ORC3: variants seen among roughly 807,000 people sequenced by gnomAD.
ORC3 encodes the protein origin recognition complex subunit 3, also known as homolog of latheo, Drosophila.
Under a neutral mutation model 100.7 loss-of-function variants are expected in ORC3, and 78 were observed. The observed-to-expected ratio is 0.77, with a 90% CI of 0.65 to 0.94. The LOEUF (loss-of-function observed/expected upper bound fraction) is 0.94. Ranked by LOEUF, ORC3 falls within the 40% of genes least tolerant of loss-of-function variation. The probability of loss-of-function intolerance (pLI) is 0.00; values close to 1 mark genes in which losing one functional copy is unlikely to be tolerated. For missense variants in ORC3, 789 were observed against 823.9 expected, an observed-to-expected ratio of 0.96 and a Z score of 0.52; for synonymous variants, 295 against 289.3, an observed-to-expected ratio of 1.02 and a Z score of -0.20.
At chr6:87,598,658 CTTTT>C (rs559954997) in intron 2 of ORC3, among the ~76,000 whole-genome samples, 1 of 130,464 alleles carries the variant, frequency 7.7e-6, no homozygotes. Context: ...GTTTGCTAGG[CTTTT>C]TTTTTTTTTT....
intron 11 of ORC3, among the ~76,000 whole-genome samples, chr6:87,631,409 A>T (rs1285202711): frequency 6.6e-6 from 1 of 152,174 alleles, no homozygotes; most frequent in African/African-American, 2.4e-5. Flanking sequence ...CCTGAAGAAA[A>T]ATTTAACATA....
At chr6:87,672,293 A>G (rs1423068585), downstream of ORC3, among the ~76,000 whole-genome samples, 1 of 152,248 alleles carries the variant, frequency 6.6e-6, no homozygotes, top group Non-Finnish European at 1.5e-5. Context: ...GCACTAAAAT[A>G]ATCACTAGCA....
chr6:87,662,075 T>G (rs1373440999), intron 16 of ORC3, among the ~76,000 whole-genome samples: 1 of 152,228 alleles, frequency 6.6e-6, no homozygotes, highest in East Asian at 1.9e-4. Context: ...TTCAATACTC[T>G]GAAACTAAGA....
At position 87,607,865 on chromosome 6, in the gene ORC3, A is replaced by G. The variant is rs2307384; in HGVS notation, c.579+41A>G. ...TGATTTTCTCCCAGGAAATTGACGT[A>G]TGATTGATGTGGCTTGGAATAATAT... On this transcript the variant is annotated intron_variant, in intron 6 of 19. Transcript: ENST00000392844. 1.4e-4 allele frequency: 209 copies of G among 1,449,582 alleles called. No individual in the cohort carries two copies. In the East Asian group the frequency reaches 4.1e-3, roughly 29 times the overall value. The allele number at this position is 1,449,582 out of a possible 1,614,324, so 89.8% of individuals were successfully genotyped here.
chr6:87,649,302 CCTGT>C (rs1025832228), intron 13 of ORC3, among the ~76,000 whole-genome samples: 1 of 152,180 alleles, frequency 6.6e-6, no homozygotes, highest in African/African-American at 2.4e-5. Flanking sequence ...CTTCTGTTGA[CCTGT>C]CTATTCCCAA....
intron 13 of ORC3, among the ~76,000 whole-genome samples, chr6:87,643,270 G>T (rs761610464): frequency 9.2e-5 from 14 of 152,172 alleles, no homozygotes; most frequent in Non-Finnish European, 2.1e-4. Context: ...GATCATTTCA[G>T]CTCTTTCCCC....
At chr6:87,647,986 G>A (rs923237487) in intron 13 of ORC3, among the ~76,000 whole-genome samples, 6 of 152,196 alleles carry the variant, frequency 3.9e-5, no homozygotes, top group African/African-American at 1.2e-4. Flanking sequence ...GATCACTTGA[G>A]GCCAGGAGTT....
intron 15 of ORC3, 183 bp downstream of exon 15, chr6:87,657,165 A>G: frequency 8.3e-6 from 4 of 482,932 alleles, no homozygotes; most frequent in Non-Finnish European, 1.5e-5. Context: ...TCATTACTCT[A>G]CATATACACA....
At position 87,666,129 on chromosome 6, in the gene ORC3, TTTTG is replaced by T. The variant is rs886780749; in HGVS notation, c.2030+312_2030+315del. Among the ~76,000 whole-genome samples the T allele has an allele frequency of 1.3e-4, 20 of 152,290 alleles. No individual in the cohort carries two copies. In the South Asian group the frequency reaches 1.4e-3, roughly 11 times the overall value. ...ATTCTCTTTTTTTGGTTTTTGTTTT[TTTTG>T]TTTGTTTGTTTGTTTTTGAGACGGA... On this transcript the variant is annotated intron_variant, in intron 19 of 19. Coordinates refer to ENST00000392844, the MANE Select transcript of ORC3 (RefSeq NM_012381.4).
At chr6:87,657,167 A>G (rs779633873) in intron 15 of ORC3, 185 bp downstream of exon 15, 137 of 482,330 alleles carry the variant, frequency 2.8e-4, no homozygotes, top group Non-Finnish European at 4.6e-4. Flanking sequence ...ATTACTCTAC[A>G]TATACACATT....
At chr6:87,626,725 T>C (rs938615868) in intron 11 of ORC3, among the ~76,000 whole-genome samples, 1 of 151,424 alleles carries the variant, frequency 6.6e-6, no homozygotes, top group Non-Finnish European at 1.5e-5. Flanking sequence ...AGGCAGAGGT[T>C]ATAGTGAGCT....
intron 12 of ORC3, among the ~76,000 whole-genome samples, chr6:87,635,475 G>A (rs17455002): frequency 0.032 from 4,808 of 152,276 alleles, 98 homozygotes; most frequent in Middle Eastern, 0.054. Flanking sequence ...TTAGCTCAAA[G>A]CTTTGGAGAA....
chr6:87,636,411 G>C lies in ORC3; in HGVS notation c.1307G>C (p.Arg436Thr). ...LPKYPLGRQIRELYCTCLEKN... is the reference protein window; with the variant it reads ...LPKYPLGRQITELYCTCLEKN... ...AAATGTGTTGTTCCCTTACAGATCA[G>C]AGAGTTGTACTGTACATGTTTAGAA... The change falls in exon 13 of 20, where the codon AGA becomes ACA. Residue 436 changes from arginine to threonine, a missense_variant. By Grantham distance (71) the Arg-to-Thr change is moderately conservative. Coordinates refer to ENST00000392844, the MANE Select transcript of ORC3 (RefSeq NM_012381.4). 6.3e-7 allele frequency: 1 copy of C among 1,597,534 alleles called. No individual in the cohort carries two copies. The highest frequency in any genetic ancestry group is 8.6e-7 in the Non-Finnish European group (1 of 1,165,108).
chr6:87,656,597 AT>A (rs1206187654), intron 14 of ORC3, among the ~76,000 whole-genome samples: 68 of 148,606 alleles, frequency 4.6e-4, no homozygotes, highest in African/African-American at 1.4e-3. Context: ...AAAAAAAAAA[AT>A]TTTTTTTTTT....
chr6:87,593,018 G>A (rs1028935914), intron 1 of ORC3, among the ~76,000 whole-genome samples: 6 of 152,034 alleles, frequency 3.9e-5, no homozygotes, highest in South Asian at 2.1e-4. Flanking sequence ...GCTTGAACCC[G>A]GGAGGCAAAG....
chr6:87,673,675 T>C, the ORC3 span, among the ~76,000 whole-genome samples: 1 of 151,938 alleles, frequency 6.6e-6, no homozygotes, highest in Non-Finnish European at 1.5e-5. Context: ...ACCCCGTCTC[T>C]ACTAAAAATA....
chr6:87,605,867 AATT>A (rs777894342), intron 4 of ORC3, 47 bp from the exon 5 acceptor site: 16 of 957,370 alleles, frequency 1.7e-5, no homozygotes, highest in African/African-American at 6.6e-5. Flanking sequence ...TTTGTCATTA[AATT>A]ATTATTAATA....
At chr6:87,608,960 A>G (rs1286513890) in intron 6 of ORC3, 136 bp from the exon 7 acceptor site, 2 of 582,852 alleles carry the variant, frequency 3.4e-6, no homozygotes, top group Non-Finnish European at 5.4e-6. Flanking sequence ...CTGAGTTTCT[A>G]TTTATCGTGT....
At chr6:87,652,245 G>A (rs1691234014) in intron 13 of ORC3, among the ~76,000 whole-genome samples, 2 of 152,144 alleles carry the variant, frequency 1.3e-5, no homozygotes, top group African/African-American at 4.8e-5. Flanking sequence ...AGATGCATTT[G>A]CTGAGAATAA....
Sources: allele counts gnomAD v4.1 joint callset (sites outside exome capture counted in the v4.1 genomes callset), GRCh38; gene constraint gnomAD v4.1.1; transcripts MANE v1.5; gene names NCBI Gene and HGNC (gene_info 2026-07-23, HGNC 2026-07-21).